RAB1A: variants seen among roughly 807,000 people sequenced by gnomAD.
RAB1A encodes RAB1A, member RAS oncogene family.
A neutral mutation model predicts 26.0 loss-of-function variants in RAB1A; 2 were observed. The ratio of observed to expected loss-of-function variants is 0.08; its 90% CI spans 0.03 to 0.24. RAB1A has a LOEUF of 0.24. Among genes scored for constraint, RAB1A ranks in the 10% least tolerant of loss-of-function variants. The pLI, the probability that RAB1A is intolerant of heterozygous loss-of-function variation, is 1.00. For synonymous variants in RAB1A, 84 were observed against 84.9 expected (o/e 0.99, Z 0.06); for missense variants, 100 against 247.0 (o/e 0.40, Z 3.99).
At chr2:65,098,326 ATT>A (rs1182752382) in intron 2 of RAB1A, among the ~76,000 whole-genome samples, 1 of 152,150 alleles carries the variant, frequency 6.6e-6, no homozygotes, top group Non-Finnish European at 1.5e-5. Flanking sequence ...TACAATAGCC[ATT>A]CTTTATTTTT....
At chr2:65,111,130 C>T (rs11126029) in intron 1 of RAB1A, among the ~76,000 whole-genome samples, 99,859 of 151,910 alleles carry the variant, frequency 0.66, 33,042 homozygotes, top group Non-Finnish European at 0.69. Context: ...GGGAGGCCAA[C>T]GCGGGTGGAT....
chr2:65,095,868 G>A (rs532170878), intron 3 of RAB1A, among the ~76,000 whole-genome samples: 14 of 151,482 alleles, frequency 9.2e-5, no homozygotes, highest in Admixed American at 2.6e-4. Context: ...AAAAATTATC[G>A]GAAGGCTGGG....
intron 3 of RAB1A, among the ~76,000 whole-genome samples, chr2:65,097,652 T>A (rs1280829117): frequency 6.6e-6 from 1 of 152,184 alleles, no homozygotes; most frequent in East Asian, 1.9e-4. Flanking sequence ...CAAACAAAAA[T>A]GGTCTATAAC....
chr2:65,128,503 T>TA (rs1670156645), intron 1 of RAB1A, among the ~76,000 whole-genome samples: 1 of 152,200 alleles, frequency 6.6e-6, no homozygotes, highest in African/African-American at 2.4e-5. Flanking sequence ...CAAATGTCAC[T>TA]ACAAGAACAC....
chr2:65,118,802 C>G (rs1669882735), intron 1 of RAB1A, among the ~76,000 whole-genome samples: 1 of 152,166 alleles, frequency 6.6e-6, no homozygotes, highest in Non-Finnish European at 1.5e-5. Context: ...CTTTACCAAG[C>G]CTTCCTCCAA....
At chr2:65,088,844 A>G (rs980498177) in intron 5 of RAB1A, 95 bp downstream of exon 5, 1 of 1,386,578 alleles carries the variant, frequency 7.2e-7, no homozygotes, top group Non-Finnish European at 9.7e-7. Context: ...TCTAGTGCAC[A>G]TATTTTTAAA....
At chr2:65,123,169 A>ATT (rs571655114) in intron 1 of RAB1A, among the ~76,000 whole-genome samples, 29 of 136,060 alleles carry the variant, frequency 2.1e-4, no homozygotes, top group African/African-American at 2.8e-4. Flanking sequence ...ACATACGTAA[A>ATT]TTTTTTTTTT....
chr2:65,101,699 G>A (rs888136356), intron 2 of RAB1A, among the ~76,000 whole-genome samples: 4 of 134,808 alleles, frequency 3.0e-5, no homozygotes, highest in Non-Finnish European at 4.7e-5. Flanking sequence ...ATAAAGTTGA[G>A]CCTTTTTTTT....
chr2:65,126,584 A>C (rs916188754), intron 1 of RAB1A, among the ~76,000 whole-genome samples: 3 of 152,224 alleles, frequency 2.0e-5, no homozygotes, highest in African/African-American at 7.2e-5. Context: ...CCCATTAACA[A>C]AGATTATAAA....
chr2:65,090,460 G>A (rs542549927), intron 4 of RAB1A, among the ~76,000 whole-genome samples: 31 of 152,006 alleles, frequency 2.0e-4, no homozygotes, highest in Non-Finnish European at 3.5e-4. Context: ...TCCCTCCATC[G>A]CTCTGCCCTC....
chr2:65,116,840 G>A (rs1669838727), intron 1 of RAB1A, among the ~76,000 whole-genome samples: 1 of 152,322 alleles, frequency 6.6e-6, no homozygotes, highest in South Asian at 2.1e-4. Flanking sequence ...AACATGCTCT[G>A]CAGCAAGTGT....
intron 1 of RAB1A, among the ~76,000 whole-genome samples, chr2:65,123,340 T>C (rs1001476388): frequency 2.0e-5 from 3 of 151,544 alleles, no homozygotes; most frequent in African/African-American, 7.3e-5. Context: ...CCAGCTAATT[T>C]TTTGTATTTT....
chr2:65,098,160 TAA>T, intron 2 of RAB1A, 94 bp from the exon 3 acceptor site: 2 of 677,390 alleles, frequency 3.0e-6, no homozygotes, highest in Non-Finnish European at 4.5e-6. Flanking sequence ...CAAGAGTAAA[TAA>T]AAAAAAAGTT....
At chr2:65,103,726 C>A (rs1558580418) in intron 2 of RAB1A, among the ~76,000 whole-genome samples, 2 of 152,070 alleles carry the variant, frequency 1.3e-5, no homozygotes, top group Non-Finnish European at 2.9e-5. Context: ...GTCTTTGGTC[C>A]ATGCTCTGAG....
chr2:65,089,702 A>ATTTTTTTTTTTTTTTTTTTTTTT (rs58993413), intron 4 of RAB1A, among the ~76,000 whole-genome samples: 2 of 141,950 alleles, frequency 1.4e-5, no homozygotes, highest in East Asian at 4.4e-4. Flanking sequence ...AATTTGATTA[A>ATTTTTTTTTTTTTTTTTTTTTTT]TTTTTTTTTT....
At chr2:65,100,140 A>T (rs1438051980) in intron 2 of RAB1A, among the ~76,000 whole-genome samples, 1 of 152,142 alleles carries the variant, frequency 6.6e-6, no homozygotes, top group Non-Finnish European at 1.5e-5. Flanking sequence ...GATGGCTCAC[A>T]CCTGTAATAC....
chr2:65,088,123 A>C lies in RAB1A; in HGVS notation c.*370T>G, dbSNP rs1669080344. 1 of 174,828 alleles carries C rather than the reference A, an allele frequency of 5.7e-6. No homozygotes were observed. Among genetic ancestry groups the C allele is most frequent in the Non-Finnish European group, 1.2e-5 (1 of 83,170 alleles). The allele number at this position is 174,828 out of a possible 1,614,324, so 10.8% of individuals were successfully genotyped here. A position where few individuals can be genotyped will look rare whatever the true frequency, so the allele number is the denominator to read the frequency against. ...AGACACTGCTTGTGCTGTTTGATACAAAATGGCTGAACTTCATCTTCAGAA... is the reference window on the plus strand; with the variant it reads ...AGACACTGCTTGTGCTGTTTGATACCAAATGGCTGAACTTCATCTTCAGAA... On this transcript the variant is annotated 3_prime_UTR_variant, in exon 6 of 6. Transcript: ENST00000409784.
At chr2:65,109,097 G>A (rs1187621462) in intron 1 of RAB1A, among the ~76,000 whole-genome samples, 1 of 152,166 alleles carries the variant, frequency 6.6e-6, no homozygotes, top group African/African-American at 2.4e-5. Flanking sequence ...ACCTACTACA[G>A]AAGTAGTTTA....
chr2:65,103,913 G>T lies in RAB1A; in HGVS notation c.96+821C>A, dbSNP rs1248783330. Among the ~76,000 whole-genome samples the T allele has an allele frequency of 8.5e-5, 13 of 152,132 alleles. No homozygotes were observed. The South Asian group carries it at 2.7e-3, about 32-fold the overall frequency. ...CCTGCCTCAGCCTCCCGAGTAGCTG[G>T]GACTACAGGCGTGTGGCACCACACC... On this transcript the variant is annotated intron_variant, in intron 2 of 5. Transcript: ENST00000409784.
Sources: allele counts gnomAD v4.1 joint callset (sites outside exome capture counted in the v4.1 genomes callset), GRCh38; gene constraint gnomAD v4.1.1; transcripts MANE v1.5; gene names NCBI Gene and HGNC (gene_info 2026-07-23, HGNC 2026-07-21).